The following COL8A1 variants were observed in gnomAD, a reference collection of about 807,000 sequenced individuals.
COL8A1 encodes the protein collagen alpha-1(VIII) chain.
In COL8A1, 21 loss-of-function variants were observed where a neutral mutation model predicts 42.7. The observed-to-expected ratio is 0.49, with a 90% CI of 0.35 to 0.71. The LOEUF is 0.71. Among genes scored for constraint, COL8A1 ranks in the 30% least tolerant of loss-of-function variants. The pLI, the probability that COL8A1 is intolerant of heterozygous loss-of-function variation, is 0.01. For synonymous variants in COL8A1, 367 were observed against 369.1 expected (o/e 0.99, Z 0.06); for missense variants, 788 against 962.4 (o/e 0.82, Z 2.40).
intron 1 of COL8A1, among the ~76,000 whole-genome samples, chr3:99,730,672 C>T (rs551131231): frequency 6.6e-6 from 1 of 152,212 alleles, no homozygotes; most frequent in East Asian, 1.9e-4. Context: ...GTAAATAAAT[C>T]ACATATTTGG....
intron 2 of COL8A1, among the ~76,000 whole-genome samples, chr3:99,780,348 C>T (rs1941772017): frequency 6.6e-6 from 1 of 152,178 alleles, no homozygotes. Context: ...ATACTTTCTG[C>T]TCTTGCTAAC....
At chr3:99,680,810 A>G (rs1316249855) in intron 1 of COL8A1, among the ~76,000 whole-genome samples, 1 of 152,180 alleles carries the variant, frequency 6.6e-6, no homozygotes, top group African/African-American at 2.4e-5. Flanking sequence ...AATGGAACAG[A>G]ACAGAGCCCT....
intron 1 of COL8A1, among the ~76,000 whole-genome samples, chr3:99,659,554 C>T (rs1938135167): frequency 6.6e-6 from 1 of 152,016 alleles, no homozygotes; most frequent in South Asian, 2.1e-4. Flanking sequence ...GTTTTAAAGC[C>T]CTAATTTTGT....
chr3:99,717,501 T>C (rs147137592), intron 1 of COL8A1, among the ~76,000 whole-genome samples: 1 of 152,126 alleles, frequency 6.6e-6, no homozygotes, highest in Non-Finnish European at 1.5e-5. Context: ...GATAAAAGAT[T>C]ATATAGGTTC....
At chr3:99,768,724 T>C (rs894172167) in intron 2 of COL8A1, among the ~76,000 whole-genome samples, 1 of 152,202 alleles carries the variant, frequency 6.6e-6, no homozygotes, top group African/African-American at 2.4e-5. Flanking sequence ...CCCTTCCTAG[T>C]GTCCCCAGTC....
chr3:99,693,361 C>T (rs1939278214), intron 1 of COL8A1, among the ~76,000 whole-genome samples: 2 of 152,130 alleles, frequency 1.3e-5, no homozygotes, highest in Non-Finnish European at 2.9e-5. Flanking sequence ...TGTAAAACAG[C>T]CTCAGGCAGG....
chr3:99,790,370 C>A (rs549175839), intron 2 of COL8A1, among the ~76,000 whole-genome samples: 8 of 152,296 alleles, frequency 5.3e-5, no homozygotes, highest in Admixed American at 5.2e-4. Flanking sequence ...TCATTCTGGG[C>A]TGCTCTATTC....
intron 1 of COL8A1, among the ~76,000 whole-genome samples, chr3:99,686,934 G>C (rs898268495): frequency 2.0e-5 from 3 of 152,114 alleles, no homozygotes; most frequent in African/African-American, 7.2e-5. Context: ...GCAATGACAC[G>C]ATCTTGGCTC....
rs1576480490 is a variant in COL8A1 at position 99,795,272 on chromosome 3, C to G, written c.1371C>G (p.Pro457=). The G allele has an allele frequency of 6.2e-7, 1 of 1,612,854 alleles. No individual in the cohort carries two copies. The highest frequency in any genetic ancestry group is 2.2e-5 in the East Asian group (1 of 44,824). Residue 457 remains proline (P), a synonymous_variant, in exon 4 of 4, where the codon CCC becomes CCG. Coordinates refer to ENST00000652472, the MANE Select transcript of COL8A1 (RefSeq NM_020351.4). ...CTGGCATGAGGGGTTTGCCAGGTCC[C>G]ATAGGGCCCAAGGGGGAAGCTGGGC... ...GPPGMRGLPG[P]IGPKGEAGQK... is the part of the protein sequence containing the mutation.
At chr3:99,689,076 G>A (rs770393591) in intron 1 of COL8A1, among the ~76,000 whole-genome samples, 2 of 152,144 alleles carry the variant, frequency 1.3e-5, no homozygotes, top group Non-Finnish European at 2.9e-5. Context: ...GCCCCTTTAA[G>A]GCAATAACTC....
intron 2 of COL8A1, among the ~76,000 whole-genome samples, chr3:99,770,487 T>C (rs1255568134): frequency 6.6e-6 from 1 of 152,214 alleles, no homozygotes; most frequent in Non-Finnish European, 1.5e-5. Flanking sequence ...AAACATGTAT[T>C]CATCAACTAC....
chr3:99,667,209 C>T (rs1938393304), intron 1 of COL8A1, among the ~76,000 whole-genome samples: 1 of 152,156 alleles, frequency 6.6e-6, no homozygotes, highest in African/African-American at 2.4e-5. Context: ...GCTTCCTAAA[C>T]TATTCCTTTG....
intron 1 of COL8A1, among the ~76,000 whole-genome samples, chr3:99,663,926 T>G (rs1938286433): frequency 6.6e-6 from 1 of 152,142 alleles, no homozygotes; most frequent in South Asian, 2.1e-4. Flanking sequence ...ACTAATAAAC[T>G]CCCCTACCAC....
chr3:99,666,957 G>T (rs999800073), intron 1 of COL8A1, among the ~76,000 whole-genome samples: 1 of 151,980 alleles, frequency 6.6e-6, no homozygotes. Context: ...TATTTATTCT[G>T]CAGCATGTTC....
At chr3:99,653,831 T>C (rs912348846) in intron 1 of COL8A1, among the ~76,000 whole-genome samples, 3 of 151,232 alleles carry the variant, frequency 2.0e-5, no homozygotes, top group Non-Finnish European at 2.9e-5. Context: ...TGTACCAGAG[T>C]CCTTGTATTA....
rs1241530550 is a variant in COL8A1 at position 99,737,959 on chromosome 3, G to A, written c.-128-6938G>A. ...CTTTTTTCTCTAAACTTCCCTTCTC[G>A]CTTCATTTCATTCATTTCATCTTCC... On this transcript the variant is annotated intron_variant, in intron 1 of 3. Coordinates refer to ENST00000652472, the MANE Select transcript of COL8A1 (RefSeq NM_020351.4). Among the ~76,000 whole-genome samples the A allele has an allele frequency of 3.0e-3, 448 of 150,928 alleles. 2 individuals carry two copies. Among genetic ancestry groups the A allele is most frequent in the East Asian group, 9.5e-3 (49 of 5,136 alleles).
chr3:99,791,060 T>G, intron 3 of COL8A1, 50 bp downstream of exon 3: 27 of 1,490,122 alleles, frequency 1.8e-5, no homozygotes, highest in Non-Finnish European at 2.5e-5. Flanking sequence ...TCCAAATCTC[T>G]AAATTATGGG....
chr3:99,726,022 G>T (rs1327663300), intron 1 of COL8A1, among the ~76,000 whole-genome samples: 1 of 152,144 alleles, frequency 6.6e-6, no homozygotes, highest in Non-Finnish European at 1.5e-5. Context: ...CTAGTTTACA[G>T]TCTCACCAGC....
intron 2 of COL8A1, among the ~76,000 whole-genome samples, chr3:99,770,561 G>A (rs1456599608): frequency 6.6e-6 from 1 of 152,148 alleles, no homozygotes; most frequent in Non-Finnish European, 1.5e-5. Flanking sequence ...AGTGAATTGG[G>A]TTTCCTGATA....
Sources: allele counts gnomAD v4.1 joint callset (sites outside exome capture counted in the v4.1 genomes callset), GRCh38; gene constraint gnomAD v4.1.1; transcripts MANE v1.5; gene names NCBI Gene and HGNC (gene_info 2026-07-23, HGNC 2026-07-21).